ROBO2: variants seen among roughly 807,000 people sequenced by gnomAD.
ROBO2 encodes roundabout homolog 2.
A neutral mutation model predicts 160.8 loss-of-function variants in ROBO2; 53 were observed. That is an observed-to-expected ratio of 0.33 (90% confidence interval 0.26 to 0.41). The LOEUF (loss-of-function observed/expected upper bound fraction) is 0.41. ROBO2 is among the 10% of genes least tolerant of loss of function. The probability of loss-of-function intolerance (pLI) is 1.00; values close to 1 mark genes in which losing one functional copy is unlikely to be tolerated. For missense variants in ROBO2, 1,577 were observed against 1,722.4 expected (o/e 0.92, Z 1.49); for synonymous variants, 664 against 611.7 (o/e 1.09, Z -1.26).
chr3:77,268,981 G>C (rs143972778), intron 2 of ROBO2, among the ~76,000 whole-genome samples: 39 of 152,230 alleles, frequency 2.6e-4, no homozygotes, highest in African/African-American at 9.1e-4. Flanking sequence ...TAGCTTGCTA[G>C]TACAGTGTTC....
At chr3:77,491,765 T>A (rs768167243) in intron 4 of ROBO2, among the ~76,000 whole-genome samples, 12 of 152,172 alleles carry the variant, frequency 7.9e-5, no homozygotes, top group Non-Finnish European at 1.6e-4. Context: ...ATTCTATTTG[T>A]CTTGTTTTAT....
At chr3:75,976,741 G>C (rs987716936) in intron 2 of ROBO2, among the ~76,000 whole-genome samples, 3 of 151,490 alleles carry the variant, frequency 2.0e-5, no homozygotes, top group Non-Finnish European at 3.0e-5. Context: ...TTGTAAGACA[G>C]GGAGTGTGTA....
chr3:77,632,521 T>C, intron 23 of ROBO2: 2 of 1,535,672 alleles, frequency 1.3e-6, no homozygotes, highest in Non-Finnish European at 1.7e-6. Flanking sequence ...GGATCGTAAC[T>C]TTTCTAGTCA....
At position 76,697,654 on chromosome 3, in the gene ROBO2, A is replaced by G. The variant is rs1337780919; in HGVS notation, c.110-400360A>G. Among the ~76,000 whole-genome samples, 41 of 149,158 alleles carry G rather than the reference A, an allele frequency of 2.7e-4. No individual in the cohort carries two copies. In the Admixed American group the frequency reaches 2.8e-3, roughly 10 times the overall value. The stretch of plus-strand genomic sequence containing the variant: ...GAGTGAAACCCTGTCTCAAAAAAGA[A>G]CAAAAATTTACATTATAGTAGAAAA... On this transcript the variant is annotated intron_variant, in intron 2 of 26. Transcript: ENST00000487694.
intron 2 of ROBO2, among the ~76,000 whole-genome samples, chr3:76,334,200 T>C (rs1290742553): frequency 1.3e-5 from 2 of 152,158 alleles, no homozygotes; most frequent in Non-Finnish European, 2.9e-5. Context: ...ATATCATCAT[T>C]ATTATCATTG....
chr3:76,690,330 A>T (rs61340544), intron 2 of ROBO2, among the ~76,000 whole-genome samples: 27,308 of 151,926 alleles, frequency 0.18, 3,923 homozygotes, highest in African/African-American at 0.39. Context: ...TCGTATTAAG[A>T]CATGGGGCCT....
intron 2 of ROBO2, among the ~76,000 whole-genome samples, chr3:76,854,793 AT>A (rs934265198): frequency 1.3e-5 from 2 of 152,102 alleles, no homozygotes; most frequent in African/African-American, 4.8e-5. Flanking sequence ...TTAAATATGT[AT>A]TTTTTTAAAT....
At chr3:77,433,495 T>C (rs1188128475) in intron 2 of ROBO2, among the ~76,000 whole-genome samples, 3 of 108,624 alleles carry the variant, frequency 2.8e-5, no homozygotes, top group Admixed American at 8.3e-5. Flanking sequence ...TGTATATATA[T>C]ATATATATAT....
chr3:77,514,762 A>G (rs1485135717), intron 5 of ROBO2, among the ~76,000 whole-genome samples: 1 of 151,830 alleles, frequency 6.6e-6, no homozygotes, highest in African/African-American at 2.4e-5. Context: ...CAATTTTCCA[A>G]TGTAATGGTT....
chr3:77,643,649 A>C (rs550271381), intron 24 of ROBO2, among the ~76,000 whole-genome samples: 1 of 152,284 alleles, frequency 6.6e-6, no homozygotes, highest in East Asian at 1.9e-4. Context: ...GGATTCATTG[A>C]GTACTGAAAC....
chr3:76,421,149 C>T (rs1474621211), intron 2 of ROBO2, among the ~76,000 whole-genome samples: 1 of 151,500 alleles, frequency 6.6e-6, no homozygotes, highest in South Asian at 2.1e-4. Flanking sequence ...AATGCTGTAA[C>T]AAATCAAACA....
intron 2 of ROBO2, among the ~76,000 whole-genome samples, chr3:76,961,335 TA>T (rs761146733): frequency 4.0e-5 from 6 of 150,376 alleles, no homozygotes; most frequent in Non-Finnish European, 8.9e-5. Flanking sequence ...ATATAATAGG[TA>T]AAATGTTATG....
At chr3:77,252,831 A>ATATATATATATATATATAT (rs1553872375) in intron 2 of ROBO2, among the ~76,000 whole-genome samples, 2 of 12,520 alleles carry the variant, frequency 1.6e-4, no homozygotes, top group Non-Finnish European at 4.3e-4. Context: ...AAAAAAAAAA[A>ATATATATATATATATATAT]ATATATATAT....
In ROBO2 at chr3:77,512,759, G is replaced by A. The variant is rs1417830454; in HGVS notation, c.807-10016G>A. Among the ~76,000 whole-genome samples, 16 of 151,928 alleles carry A rather than the reference G, an allele frequency of 1.1e-4. No individual in the cohort carries two copies. The Middle Eastern group carries it at 0.01, about 97-fold the overall frequency. ...GTCTGAAAGGTATAGGTTGACCTTC[G>A]GCTATTTGAATTGAGTGGAAGTGTT... is the stretch of plus-strand genomic sequence containing the variant. On this transcript the variant is annotated intron_variant, in intron 5 of 25. Coordinates refer to ENST00000461745, the Ensembl canonical transcript of ROBO2.
chr3:77,455,311 C>T (rs906167118), intron 2 of ROBO2, among the ~76,000 whole-genome samples: 6 of 151,908 alleles, frequency 3.9e-5, no homozygotes, highest in South Asian at 2.1e-4. Flanking sequence ...TTTTAAGTTA[C>T]GCTAATGAAA....
At chr3:76,230,329 TG>T in intron 2 of ROBO2, among the ~76,000 whole-genome samples, 1 of 151,930 alleles carries the variant, frequency 6.6e-6, no homozygotes, top group East Asian at 1.9e-4. Flanking sequence ...AAAAAAAAAA[TG>T]GCTTTCCTTT....
chr3:75,983,021 C>T (rs1413746352), intron 2 of ROBO2, among the ~76,000 whole-genome samples: 1 of 151,416 alleles, frequency 6.6e-6, no homozygotes, highest in African/African-American at 2.4e-5. Flanking sequence ...ATTTCTAATG[C>T]AGTAGAAATG....
intron 2 of ROBO2, among the ~76,000 whole-genome samples, chr3:76,272,307 A>G (rs1014718807): frequency 2.6e-5 from 4 of 152,048 alleles, no homozygotes; most frequent in Admixed American, 1.3e-4. Flanking sequence ...ATAGGTGAGG[A>G]AAGAAGAGTT....
intron 2 of ROBO2, among the ~76,000 whole-genome samples, chr3:77,405,159 G>A (rs949861033): frequency 6.6e-6 from 1 of 151,960 alleles, no homozygotes; most frequent in Admixed American, 6.6e-5. Context: ...GCTAGCTCAG[G>A]GCTGAGAGAG....
Sources: allele counts gnomAD v4.1 joint callset (sites outside exome capture counted in the v4.1 genomes callset), GRCh38; gene constraint gnomAD v4.1.1; transcripts MANE v1.5; gene names NCBI Gene and HGNC (gene_info 2026-07-23, HGNC 2026-07-21).